SLC26A2: variants seen among roughly 807,000 people sequenced by gnomAD.
SLC26A2 encodes the protein sulfate transporter.
In SLC26A2, 36 loss-of-function variants were observed where a neutral mutation model predicts 41.1. That is an observed-to-expected ratio of 0.88 (90% CI 0.67 to 1.16). SLC26A2 has a LOEUF of 1.16. Among genes scored for constraint, SLC26A2 ranks in the 50% most tolerant of loss-of-function variants. The pLI is 0.00. For synonymous variants in SLC26A2, 291 were observed against 311.6 expected, an observed-to-expected ratio of 0.93 and a Z score of 0.70; for missense variants, 796 against 869.6, an observed-to-expected ratio of 0.92 and a Z score of 1.07.
At chr5:149,974,849 G>A (rs1317458326) in intron 1 of SLC26A2, among the ~76,000 whole-genome samples, 1 of 149,802 alleles carries the variant, frequency 6.7e-6, no homozygotes, top group Non-Finnish European at 1.5e-5. Context: ...CCTCGGCCTC[G>A]CGAGTAGCTG....
At chr5:149,966,854 CA>C (rs1375719690) in intron 1 of SLC26A2, among the ~76,000 whole-genome samples, 1 of 152,068 alleles carries the variant, frequency 6.6e-6, no homozygotes, top group East Asian at 1.9e-4. Flanking sequence ...AAAAATATTA[CA>C]AAAAGAAATA....
rs957780486 is a variant in SLC26A2 at position 149,983,586 on chromosome 5, T to C, written c.*1773T>C. ...ATCACAGTATCTTGGTCAGTCTTTA[T>C]TTTTTTCCTTTTTTCTTTTTTAAGA... On this transcript the variant is annotated 3_prime_UTR_variant, in exon 3 of 3. Transcript: ENST00000286298. The C allele has an allele frequency of 3.3e-5, 5 of 152,134 alleles. No individual in the cohort carries two copies. Among genetic ancestry groups the C allele is most frequent in the African/African-American group, 1.2e-4 (5 of 41,416 alleles). 9.4% of individuals were successfully genotyped at this position (152,134 alleles called of 1,614,324 possible). A position where few individuals can be genotyped will look rare whatever the true frequency, so the allele number is the denominator to read the frequency against.
rs1277837925 is a variant in SLC26A2, at chr5:149,987,167, A to G, written c.*5354A>G. The stretch of plus-strand genomic sequence containing the variant: ...GTTTTATACTGTATTTTTTAATTAA[A>G]GCAAGTGCCTTGATGTAATTCCATG... On this transcript the variant is annotated 3_prime_UTR_variant, in exon 3 of 3. Transcript: ENST00000286298. 6.6e-6 allele frequency: 1 copy of G among 152,206 alleles called. No homozygotes were observed. Among genetic ancestry groups the G allele is most frequent in the Non-Finnish European group, 1.5e-5 (1 of 68,030 alleles). The allele number at this position is 152,206 out of a possible 1,614,324, so 9.4% of individuals were successfully genotyped here.
Position 149,980,400 on chromosome 5 carries a change from C to T in SLC26A2, c.807C>T (p.Ala269=), listed in dbSNP as rs148445106. ...CCTTCACTATTCTTACATCTCAGGC[C>T]AAGTATCTTCTTGGGCTCAACCTTC... The part of the protein sequence containing the change: ...GASFTILTSQ[A]KYLLGLNLPR... Residue 269 remains alanine, a synonymous_variant, in exon 3 of 3, where the codon GCC becomes GCT. Coordinates refer to ENST00000286298, the MANE Select transcript of SLC26A2 (RefSeq NM_000112.4). 31 of 1,613,976 alleles carry T rather than the reference C, an allele frequency of 1.9e-5. No homozygotes were observed. In the African/African-American group the frequency reaches 3.3e-4, roughly 17 times the overall value.
At chr5:149,968,434 A>T (rs1489524269) in intron 1 of SLC26A2, among the ~76,000 whole-genome samples, 1 of 130,804 alleles carries the variant, frequency 7.6e-6, no homozygotes, top group Non-Finnish European at 1.8e-5. Context: ...TTTTTTAGAC[A>T]GAGTCTCGCT....
chr5:149,978,466 T>C, intron 2 of SLC26A2, 115 bp downstream of exon 2: 1 of 978,180 alleles, frequency 1.0e-6, no homozygotes, highest in Non-Finnish European at 1.6e-6. Flanking sequence ...TTATTGAGAG[T>C]TCAGGATATA....
Position 149,980,649 on chromosome 5 carries a change from A to G in SLC26A2, c.1056A>G (p.Leu352=), listed in dbSNP as rs74624860. 3 of 1,614,090 alleles carry G rather than the reference A, an allele frequency of 1.9e-6. No homozygotes were observed. The highest frequency in any genetic ancestry group is 2.5e-6 in the Non-Finnish European group (3 of 1,179,960). ...CATTAGCCTCTCATTTTGGAAAACTACATGAAAATTATAATTCTAGTATTG... is the reference window on the plus strand; with the variant it reads ...CATTAGCCTCTCATTTTGGAAAACTGCATGAAAATTATAATTCTAGTATTG... ...AATLASHFGK[L]HENYNSSIAG... The change falls in exon 3 of 3, where the codon CTA becomes CTG. Residue 352 remains leucine, a synonymous_variant. Transcript: ENST00000286298.
rs758834024 is a variant in SLC26A2 at position 149,978,167 on chromosome 5, T to C, written c.515T>C (p.Ile172Thr). ...VGIFGVLCLM[I>T]GETVDRELQK... The stretch of plus-strand genomic sequence containing the variant: ...ATTTTTGGAGTACTGTGCCTTATGA[T>C]TGGTGAGACAGTTGACCGAGAACTA... The change falls in exon 2 of 3, where the codon ATT (isoleucine) becomes ACT (threonine). Residue 172 changes from isoleucine (I) to threonine (T), a missense_variant. Physicochemically the swap from Ile to Thr is moderately conservative, Grantham distance 89. Transcript: ENST00000286298. The C allele has an allele frequency of 6.2e-6, 10 of 1,612,116 alleles. No homozygotes were observed. The highest frequency in any genetic ancestry group is 8.5e-6 in the Non-Finnish European group (10 of 1,178,464).
intron 2 of SLC26A2, among the ~76,000 whole-genome samples, chr5:149,979,684 A>G (rs1019551643): frequency 2.0e-5 from 3 of 152,236 alleles, no homozygotes; most frequent in African/African-American, 7.2e-5. Flanking sequence ...GCATAAGTAC[A>G]TATATACTGC....
Position 149,981,167 on chromosome 5 carries a change from T to C in SLC26A2, c.1574T>C (p.Leu525Pro), listed in dbSNP as rs1755091896. ...WFVTMLSSAL[L>P]STEIGLLVGV... ...GTTACTATGCTGTCCTCTGCACTGCTAAGTACTGAAATAGGCCTACTTGTT... is the reference window on the plus strand; with the variant it reads ...GTTACTATGCTGTCCTCTGCACTGCCAAGTACTGAAATAGGCCTACTTGTT... The change falls in exon 3 of 3, where the codon CTA becomes CCA. Residue 525 changes from leucine (L) to proline (P), a missense_variant. Transcript: ENST00000286298. 1.9e-6 allele frequency: 3 copies of C among 1,614,172 alleles called. No homozygotes were observed. Among genetic ancestry groups the C allele is most frequent in the Non-Finnish European group, 2.5e-6 (3 of 1,180,004 alleles).
intron 1 of SLC26A2, among the ~76,000 whole-genome samples, chr5:149,976,944 C>T (rs1034642543): frequency 1.3e-5 from 2 of 152,210 alleles, no homozygotes; most frequent in South Asian, 2.1e-4. Flanking sequence ...ACACTTGGCC[C>T]ATCGACCCTC....
intron 1 of SLC26A2, among the ~76,000 whole-genome samples, chr5:149,966,793 A>G (rs984076577): frequency 1.3e-5 from 2 of 152,136 alleles, no homozygotes; most frequent in African/African-American, 4.8e-5. Flanking sequence ...ATGTCATCAA[A>G]TCTATCCAAT....
rs1755115234 is a variant in SLC26A2, at chr5:149,981,949, C to T, written c.*136C>T. On this transcript the variant is annotated 3_prime_UTR_variant, in exon 3 of 3. Transcript: ENST00000286298. ...GCTAGATATTATTCCTCCTTTGAAG[C>T]TAATGGCATTTGTATATACACACTG... 3 of 648,702 alleles carry T rather than the reference C, an allele frequency of 4.6e-6. No homozygotes were observed. The highest frequency in any genetic ancestry group is 8.0e-6 in the Non-Finnish European group (3 of 375,424). The allele number at this position is 648,702 out of a possible 1,614,324, so 40.2% of individuals were successfully genotyped here.
intron 1 of SLC26A2, among the ~76,000 whole-genome samples, chr5:149,975,500 A>T (rs988808405): frequency 1.3e-5 from 2 of 152,206 alleles, no homozygotes; most frequent in African/African-American, 4.8e-5. Flanking sequence ...GCTCTCCAAA[A>T]TAGGACGTTG....
In SLC26A2 at chr5:149,981,588, C is replaced by T; in HGVS notation, c.1995C>T (p.His665=). 3 of 1,614,040 alleles carry T rather than the reference C, an allele frequency of 1.9e-6. No homozygotes were observed. The highest frequency in any genetic ancestry group is 2.5e-6 in the Non-Finnish European group (3 of 1,179,944). The change falls in exon 3 of 3, where the codon CAC becomes CAT. Residue 665 remains histidine, a synonymous_variant. Coordinates refer to ENST00000286298, the MANE Select transcript of SLC26A2 (RefSeq NM_000112.4). The part of the protein sequence containing the change: ...AIQFLDTAGI[H]TLKEVRRDYE... The stretch of plus-strand genomic sequence containing the variant: ...AATTTTTAGATACAGCAGGGATCCA[C>T]ACACTGAAAGAAGTTCGCAGAGATT...
intron 1 of SLC26A2, among the ~76,000 whole-genome samples, chr5:149,966,080 T>C (rs908727551): frequency 1.1e-4 from 16 of 152,288 alleles, no homozygotes; most frequent in African/African-American, 3.8e-4. Context: ...AATTTTTGGA[T>C]TTTTAGTAGA....
At chr5:149,965,353 G>C (rs1025869263) in intron 1 of SLC26A2, among the ~76,000 whole-genome samples, 1 of 151,676 alleles carries the variant, frequency 6.6e-6, no homozygotes, top group African/African-American at 2.4e-5. Flanking sequence ...GGTGGCAGGC[G>C]CCTGTAGTCC....
At chr5:149,965,502 A>AT (rs1754791112) in intron 1 of SLC26A2, among the ~76,000 whole-genome samples, 2 of 147,672 alleles carry the variant, frequency 1.4e-5, no homozygotes, top group Non-Finnish European at 3.0e-5. Context: ...AAAAAAAAAA[A>AT]GCTGTGTGAA....
At chr5:149,966,534 G>A (rs1754808138) in intron 1 of SLC26A2, among the ~76,000 whole-genome samples, 1 of 152,118 alleles carries the variant, frequency 6.6e-6, no homozygotes, top group African/African-American at 2.4e-5. Flanking sequence ...GATTTCTTAG[G>A]AAAATCCCAG....
Sources: allele counts gnomAD v4.1 joint callset (sites outside exome capture counted in the v4.1 genomes callset), GRCh38; gene constraint gnomAD v4.1.1; transcripts MANE v1.5; gene names NCBI Gene and HGNC (gene_info 2026-07-23, HGNC 2026-07-21).